CREB5: variants seen among roughly 807,000 people sequenced by gnomAD.
The protein encoded by CREB5 is cyclic AMP-responsive element-binding protein 5.
CREB5 carries 19 observed loss-of-function variants against 57.1 expected under a neutral mutation model. The ratio of observed to expected loss-of-function variants is 0.33; its 90% CI spans 0.23 to 0.49. CREB5 has a LOEUF of 0.49. Ranked by LOEUF, CREB5 falls within the 20% of genes least tolerant of loss-of-function variation. CREB5 has a pLI of 0.99. For synonymous variants in CREB5, 238 were observed against 238.3 expected (o/e 1.00, Z 0.01); for missense variants, 579 against 671.6 (o/e 0.86, Z 1.52).
At chr7:28,599,967 A>T (rs1457786924) in intron 5 of CREB5, among the ~76,000 whole-genome samples, 2 of 152,126 alleles carry the variant, frequency 1.3e-5, no homozygotes, top group African/African-American at 4.8e-5. Context: ...GGGATCAATA[A>T]TTGAGTTATT....
chr7:28,399,676 G>A (rs796772340), intron 1 of CREB5, among the ~76,000 whole-genome samples: 15 of 152,248 alleles, frequency 9.9e-5, no homozygotes, highest in African/African-American at 3.6e-4. Flanking sequence ...AGCACTTTTG[G>A]AGGCTGAGTA....
At chr7:28,411,452 G>A (rs549859686), upstream of CREB5, among the ~76,000 whole-genome samples, 6 of 148,516 alleles carry the variant, frequency 4.0e-5, no homozygotes, top group South Asian at 8.5e-4. Context: ...AGTCGAATAC[G>A]TAAGTCATTG....
rs542247313 is a variant in CREB5 at position 28,726,426 on chromosome 7, A to G, written c.702+2094A>G. Among the ~76,000 whole-genome samples the G allele has an allele frequency of 4.6e-5, 7 of 152,264 alleles. 1 individual carries two copies. In the South Asian group the frequency reaches 1.4e-3, roughly 32 times the overall value. On this transcript the variant is annotated intron_variant, in intron 7 of 10. Coordinates refer to ENST00000357727, the MANE Select transcript of CREB5 (RefSeq NM_182898.4). The stretch of plus-strand genomic sequence containing the variant: ...CTGTTCTTATTATGCTTGCATTTTT[A>G]CTGGAGAAATCAGTTATTGCCATAT...
At chr7:28,631,081 G>A in intron 5 of CREB5, among the ~76,000 whole-genome samples, 1 of 152,124 alleles carries the variant, frequency 6.6e-6, no homozygotes, top group East Asian at 1.9e-4. Flanking sequence ...ACCACCAGTG[G>A]GACTCAGAGA....
chr7:28,797,420 T>C (rs1213678154), intron 7 of CREB5, among the ~76,000 whole-genome samples: 2 of 152,206 alleles, frequency 1.3e-5, no homozygotes, highest in African/African-American at 4.8e-5. Context: ...GTTTGAATGA[T>C]GTAATGTGAC....
At chr7:28,737,539 GTATATATA>G (rs59294932) in intron 7 of CREB5, among the ~76,000 whole-genome samples, 1,650 of 26,398 alleles carry the variant, frequency 0.063, 50 homozygotes, top group East Asian at 0.093. Context: ...ATATATATAC[GTATATATA>G]TATATATATA....
upstream of CREB5, among the ~76,000 whole-genome samples, chr7:28,408,710 G>A (rs533541683): frequency 6.6e-6 from 1 of 152,328 alleles, no homozygotes; most frequent in South Asian, 2.1e-4. Flanking sequence ...GGGTGGGGCT[G>A]TGTATTTCAT....
At chr7:28,692,146 AC>A (rs1801304444) in intron 5 of CREB5, among the ~76,000 whole-genome samples, 1 of 150,596 alleles carries the variant, frequency 6.6e-6, no homozygotes, top group South Asian at 2.1e-4. Flanking sequence ...AGATCCTGCC[AC>A]TGCACTCCAG....
At chr7:28,432,533 T>C (rs1788765429) in intron 1 of CREB5, among the ~76,000 whole-genome samples, 1 of 152,158 alleles carries the variant, frequency 6.6e-6, no homozygotes, top group East Asian at 1.9e-4. Flanking sequence ...AAGCTGACCT[T>C]GTGAGAAGAA....
chr7:28,732,018 G>T (rs1231264244), intron 7 of CREB5, among the ~76,000 whole-genome samples: 1 of 152,112 alleles, frequency 6.6e-6, no homozygotes, highest in Non-Finnish European at 1.5e-5. Flanking sequence ...CTTTGTGCCT[G>T]CATGGGTCTT....
chr7:28,488,691 A>AT (rs1791674701), intron 2 of CREB5, among the ~76,000 whole-genome samples: 1 of 152,176 alleles, frequency 6.6e-6, no homozygotes, highest in Non-Finnish European at 1.5e-5. Flanking sequence ...GAGTAAAAAA[A>AT]CCCCAAACTC....
chr7:28,791,293 T>C (rs930422217), intron 7 of CREB5, among the ~76,000 whole-genome samples: 2 of 152,378 alleles, frequency 1.3e-5, no homozygotes, highest in Admixed American at 6.5e-5. Flanking sequence ...ATGTACGTTT[T>C]CTACCTTCAG....
At chr7:28,585,437 T>C (rs1796270644) in intron 5 of CREB5, among the ~76,000 whole-genome samples, 1 of 152,216 alleles carries the variant, frequency 6.6e-6, no homozygotes, top group Admixed American at 6.5e-5. Flanking sequence ...AAATTTCTTT[T>C]AGGTGGTGCC....
chr7:28,313,944 G>A lies in CREB5; in HGVS notation c.-25+14503G>A, dbSNP rs140830814. 3.6e-3 allele frequency among the ~76,000 whole-genome samples: 541 copies of A among 152,258 alleles called. 3 individuals carry two copies. The highest frequency in any genetic ancestry group is 0.012 in the African/African-American group (515 of 41,538). Reference sequence around the variant, plus strand: ...AAAATATATAATTTTAATAGAAATAGGTAAGCATAAAACATTGACACCACT... The same window carrying A: ...AAAATATATAATTTTAATAGAAATAAGTAAGCATAAAACATTGACACCACT... On this transcript the variant is annotated intron_variant, in intron 1 of 9. Coordinates refer to the CREB5 transcript ENST00000396299.
chr7:28,444,228 A>G lies in CREB5; in HGVS notation c.3+31311A>G, dbSNP rs989034919. On this transcript the variant is annotated intron_variant, in intron 1 of 10. Coordinates refer to ENST00000357727, the MANE Select transcript of CREB5 (RefSeq NM_182898.4). Reference sequence around the variant, plus strand: ...GTCCCCTTGCCATGTGCCTGAATTGATCTGGCATAAAATATTAAATGACTA... The same window carrying G: ...GTCCCCTTGCCATGTGCCTGAATTGGTCTGGCATAAAATATTAAATGACTA... Among the ~76,000 whole-genome samples, 3 of 152,152 alleles carry G rather than the reference A, an allele frequency of 2.0e-5. No homozygotes were observed. In the South Asian group the frequency reaches 6.2e-4, roughly 32 times the overall value.
At chr7:28,652,712 T>C (rs149798423) in intron 5 of CREB5, among the ~76,000 whole-genome samples, 1 of 152,354 alleles carries the variant, frequency 6.6e-6, no homozygotes, top group African/African-American at 2.4e-5. Context: ...TGTTATTACA[T>C]AACTATCCTC....
chr7:28,586,249 C>T (rs995262802), intron 5 of CREB5, among the ~76,000 whole-genome samples: 1 of 152,122 alleles, frequency 6.6e-6, no homozygotes, highest in Non-Finnish European at 1.5e-5. Flanking sequence ...TCTCTAGAGC[C>T]CTGATGAAAG....
intron 4 of CREB5, among the ~76,000 whole-genome samples, chr7:28,538,579 A>G (rs1026344212): frequency 6.6e-6 from 1 of 151,958 alleles, no homozygotes; most frequent in Non-Finnish European, 1.5e-5. Context: ...TCTTTATTGT[A>G]TATTTGTGTC....
At chr7:28,485,854 G>T (rs1322709300) in intron 1 of CREB5, among the ~76,000 whole-genome samples, 1 of 152,154 alleles carries the variant, frequency 6.6e-6, no homozygotes, top group East Asian at 1.9e-4. Flanking sequence ...TTGAGACTTA[G>T]TAGTACCTTC....
Sources: allele counts gnomAD v4.1 joint callset (sites outside exome capture counted in the v4.1 genomes callset), GRCh38; gene constraint gnomAD v4.1.1; transcripts MANE v1.5; gene names NCBI Gene and HGNC (gene_info 2026-07-23, HGNC 2026-07-21).